RASSF3: variants seen among roughly 807,000 people sequenced by gnomAD.
The protein encoded by RASSF3 is Ras association domain family member 3.
A neutral mutation model predicts 19.9 loss-of-function variants in RASSF3; 19 were observed. That is an observed-to-expected ratio of 0.96 (90% CI 0.67 to 1.40). RASSF3 has a LOEUF of 1.40. RASSF3 is among the 40% of genes most tolerant of loss of function. RASSF3 has a pLI of 0.00. For missense variants in RASSF3, 306 were observed against 289.8 expected, an observed-to-expected ratio of 1.06 and a Z score of -0.41; for synonymous variants, 110 against 104.2, an observed-to-expected ratio of 1.06 and a Z score of -0.34.
chr12:64,619,047 C>G (rs552296215), intron 1 of RASSF3, among the ~76,000 whole-genome samples: 2 of 152,022 alleles, frequency 1.3e-5, no homozygotes, highest in African/African-American at 2.4e-5. Flanking sequence ...TTTAGCATGG[C>G]TATGGAAAAC....
At chr12:64,559,930 C>T (rs181821491) in intron 2 of RASSF3, among the ~76,000 whole-genome samples, 15 of 152,300 alleles carry the variant, frequency 9.8e-5, no homozygotes, top group African/African-American at 3.6e-4. Context: ...CTTGATTATA[C>T]TGCATTTGTT....
rs565422257 is a variant in RASSF3, at chr12:64,597,203, G to A, written c.294+55498G>A. Among the ~76,000 whole-genome samples the A allele has an allele frequency of 1.4e-3, 215 of 151,778 alleles. 2 individuals are homozygous for A. The highest frequency in any genetic ancestry group is 4.9e-3 in the African/African-American group (204 of 41,358). On this transcript the variant is annotated intron_variant, in intron 2 of 5. Transcript: ENST00000637125. Reference sequence around the variant, plus strand: ...ACTGGAGTGCAGTGGCTCGATCTTCGCTCACTGCAACCTCCACCTCCTGGG... The same window carrying A: ...ACTGGAGTGCAGTGGCTCGATCTTCACTCACTGCAACCTCCACCTCCTGGG...
intron 1 of RASSF3, among the ~76,000 whole-genome samples, chr12:64,655,727 A>C (rs1010320450): frequency 2.2e-4 from 33 of 152,124 alleles, no homozygotes; most frequent in African/African-American, 7.0e-4. Context: ...ATCTAGTCTT[A>C]AAAATATCAT....
chr12:64,582,294 T>C (rs1341453154), intron 2 of RASSF3, among the ~76,000 whole-genome samples: 1 of 152,204 alleles, frequency 6.6e-6, no homozygotes. Context: ...TGCCCAGCTC[T>C]CTGAAATGTG....
intron 2 of RASSF3, among the ~76,000 whole-genome samples, chr12:64,572,355 C>A (rs945752869): frequency 6.6e-6 from 1 of 151,738 alleles, no homozygotes; most frequent in African/African-American, 2.4e-5. Flanking sequence ...GCTCTGTCTC[C>A]CTCTTTGTCT....
intron 1 of RASSF3, among the ~76,000 whole-genome samples, chr12:64,684,003 AGAGAGAGTGAGTGTGTGT>A (rs1388835499): frequency 1.2e-5 from 1 of 84,772 alleles, no homozygotes; most frequent in East Asian, 3.8e-4. Context: ...AGAGAGAGAG[AGAGAGAGTGAGTGTGTGT>A]GTGTGTGTGT....
chr12:64,577,062 T>C (rs570782896), intron 2 of RASSF3, among the ~76,000 whole-genome samples: 2 of 152,282 alleles, frequency 1.3e-5, no homozygotes, highest in Admixed American at 6.5e-5. Context: ...CCAAAATTGT[T>C]GCATAGTCTT....
chr12:64,507,722 G>C (rs1348370987), intron 1 of RASSF3, among the ~76,000 whole-genome samples: 1 of 152,210 alleles, frequency 6.6e-6, no homozygotes, highest in Non-Finnish European at 1.5e-5. Context: ...AAGTCACAGT[G>C]AGTTCCCCTC....
chr12:64,554,167 C>G (rs1206220021), intron 2 of RASSF3, among the ~76,000 whole-genome samples: 1 of 152,154 alleles, frequency 6.6e-6, no homozygotes, highest in Non-Finnish European at 1.5e-5. Context: ...CTCTGGGTCA[C>G]TGTCCCTCAT....
chr12:64,531,406 A>T (rs1868706444), upstream of RASSF3, among the ~76,000 whole-genome samples: 1 of 152,280 alleles, frequency 6.6e-6, no homozygotes, highest in East Asian at 1.9e-4. Context: ...CTACCTGAAC[A>T]TTGCTTTTTA....
At chr12:64,597,292 C>A (rs946607788) in intron 2 of RASSF3, among the ~76,000 whole-genome samples, 1 of 151,782 alleles carries the variant, frequency 6.6e-6, no homozygotes, top group South Asian at 2.1e-4. Flanking sequence ...ACCACCGTAC[C>A]CAGCTAATTT....
At chr12:64,562,316 C>T (rs1228507175) in intron 2 of RASSF3, among the ~76,000 whole-genome samples, 1 of 152,112 alleles carries the variant, frequency 6.6e-6, no homozygotes, top group Admixed American at 6.6e-5. Flanking sequence ...GCTGGGATTA[C>T]AGGTGTGAGG....
rs560046344 is a variant in RASSF3, at chr12:64,517,911, T to C, written c.169+10582T>C. Among the ~76,000 whole-genome samples, 3 of 152,072 alleles carry C rather than the reference T, an allele frequency of 2.0e-5. No homozygotes were observed. The East Asian group carries it at 5.8e-4, about 29-fold the overall frequency. On this transcript the variant is annotated intron_variant, in intron 1 of 5. Transcript: ENST00000637125. ...GGGATTACAGGCATGAGCCACCGCATCCAGCTGCACACTCACTTTATATAG... is the reference window on the plus strand; with the variant it reads ...GGGATTACAGGCATGAGCCACCGCACCCAGCTGCACACTCACTTTATATAG...
intron 1 of RASSF3, among the ~76,000 whole-genome samples, chr12:64,517,187 T>G (rs1277448087): frequency 2.0e-5 from 3 of 151,836 alleles, no homozygotes; most frequent in African/African-American, 7.3e-5. Context: ...TAACAAGACA[T>G]GTATAAGGCC....
chr12:64,657,468 AAAGT>A lies in RASSF3; in HGVS notation c.112-27315_112-27312del, dbSNP rs1592450002. ...TAATCACAATAAAGTAAATTTTTAA[AAAGT>A]AAGAGTAGTAAAATCACTTTGATGA... On this transcript the variant is annotated intron_variant, in intron 1 of 4. Transcript: ENST00000542104. Among the ~76,000 whole-genome samples the A allele has an allele frequency of 5.9e-5, 9 of 152,376 alleles. No individual in the cohort carries two copies. The South Asian group carries it at 1.7e-3, about 28-fold the overall frequency.
chr12:64,544,779 C>G (rs1217003737), downstream of RASSF3, among the ~76,000 whole-genome samples: 2 of 152,146 alleles, frequency 1.3e-5, no homozygotes, highest in Admixed American at 6.6e-5. Flanking sequence ...AACTAATTTT[C>G]AGTTTAGGCC....
chr12:64,539,726 T>C (rs935207104), intron 1 of RASSF3, among the ~76,000 whole-genome samples: 2 of 151,934 alleles, frequency 1.3e-5, no homozygotes, highest in Non-Finnish European at 2.9e-5. Flanking sequence ...CAGCAAGCTG[T>C]GATTGCCCAC....
intron 1 of RASSF3, among the ~76,000 whole-genome samples, chr12:64,636,865 C>CAA (rs762865541): frequency 2.5e-4 from 16 of 63,490 alleles, no homozygotes; most frequent in Non-Finnish European, 3.9e-4. Context: ...AACTCCGTCT[C>CAA]AAAAAAAAAA....
intron 2 of RASSF3, among the ~76,000 whole-genome samples, chr12:64,592,768 C>G (rs1483585632): frequency 6.6e-6 from 1 of 152,116 alleles, no homozygotes; most frequent in East Asian, 1.9e-4. Context: ...TTTCAAATAA[C>G]TAGGACTACA....
Sources: gnomAD v4.1 joint callset for allele counts (sites outside exome capture counted in the v4.1 genomes callset) on GRCh38, gnomAD v4.1.1 for gene constraint, MANE v1.5 for transcripts, NCBI Gene and HGNC (gene_info 2026-07-23, HGNC 2026-07-21) for gene names.